Variants in RALGPS1 observed in about 807,000 individuals in gnomAD.
RALGPS1 encodes the protein Ral GEF with PH domain and SH3 binding motif 1.
RALGPS1 carries 19 observed loss-of-function variants against 78.8 expected under a neutral mutation model. The observed-to-expected ratio is 0.24, with a 90% CI of 0.17 to 0.35. RALGPS1 has a LOEUF of 0.35. Ranked by LOEUF, RALGPS1 falls within the 10% of genes least tolerant of loss-of-function variation. RALGPS1 has a pLI of 1.00. For missense variants in RALGPS1, 454 were observed against 688.3 expected, an observed-to-expected ratio of 0.66 and a Z score of 3.81; for synonymous variants, 228 against 256.3, an observed-to-expected ratio of 0.89 and a Z score of 1.06.
chr9:127,023,088 CT>C (rs780263135), intron 4 of RALGPS1, among the ~76,000 whole-genome samples: 1 of 152,028 alleles, frequency 6.6e-6, no homozygotes, highest in Non-Finnish European at 1.5e-5. Flanking sequence ...AACTCTTTCC[CT>C]TCTTCAAACA....
At chr9:127,132,187 T>C (rs757677373) in intron 8 of RALGPS1, among the ~76,000 whole-genome samples, 8 of 152,212 alleles carry the variant, frequency 5.3e-5, no homozygotes, top group Non-Finnish European at 7.3e-5. Context: ...CCTTTCACTC[T>C]TCTGAGTGTC....
intron 1 of RALGPS1, among the ~76,000 whole-genome samples, chr9:126,958,142 A>ATATATATAT (rs1554765217): frequency 1.3e-5 from 1 of 77,106 alleles, no homozygotes. Flanking sequence ...AAAAAAAAAA[A>ATATATATAT]ATATATATAT....
At chr9:126,951,707 T>A (rs1976330) in intron 1 of RALGPS1, among the ~76,000 whole-genome samples, 97,977 of 152,066 alleles carry the variant, frequency 0.64, 33,264 homozygotes, top group East Asian at 0.81. Flanking sequence ...CCCACAGCCA[T>A]TGTCATACTG....
intron 1 of RALGPS1, among the ~76,000 whole-genome samples, chr9:126,921,343 CA>C (rs2034731124): frequency 1.3e-5 from 2 of 152,216 alleles, no homozygotes; most frequent in Non-Finnish European, 2.9e-5. Context: ...GTTTCCTCCC[CA>C]CTTTCTGCGT....
At chr9:126,948,640 C>A (rs2037505143) in intron 1 of RALGPS1, among the ~76,000 whole-genome samples, 1 of 152,108 alleles carries the variant, frequency 6.6e-6, no homozygotes, top group Non-Finnish European at 1.5e-5. Flanking sequence ...CCCCTTCTGC[C>A]TCCTCAGCTT....
chr9:127,066,651 A>G (rs2049735735), intron 7 of RALGPS1, among the ~76,000 whole-genome samples: 1 of 152,186 alleles, frequency 6.6e-6, no homozygotes, highest in South Asian at 2.1e-4. Flanking sequence ...CACAAAGACA[A>G]AACAAAACAA....
chr9:127,006,706 T>C (rs1362913141), intron 4 of RALGPS1, among the ~76,000 whole-genome samples: 2 of 152,298 alleles, frequency 1.3e-5, no homozygotes, highest in East Asian at 3.9e-4. Context: ...CCAGAGAGGT[T>C]AATAAAACTG....
chr9:127,054,871 A>G (rs1470374169), intron 7 of RALGPS1, among the ~76,000 whole-genome samples: 1 of 152,138 alleles, frequency 6.6e-6, no homozygotes, highest in East Asian at 1.9e-4. Context: ...ACAGCTACGC[A>G]GGAGACTGAG....
intron 1 of RALGPS1, among the ~76,000 whole-genome samples, chr9:126,956,161 G>C (rs906264093): frequency 3.3e-5 from 5 of 152,084 alleles, no homozygotes; most frequent in Admixed American, 6.5e-5. Context: ...GGAGAACCAG[G>C]GGGCACCCTG....
chr9:127,182,579 G>A (rs989355578), intron 11 of RALGPS1, among the ~76,000 whole-genome samples: 24 of 151,712 alleles, frequency 1.6e-4, no homozygotes, highest in Admixed American at 2.0e-4. Flanking sequence ...ACAGTCGCCC[G>A]CCACCATGCC....
At chr9:126,993,569 G>A (rs963777939) in intron 4 of RALGPS1, among the ~76,000 whole-genome samples, 3 of 150,692 alleles carry the variant, frequency 2.0e-5, no homozygotes, top group African/African-American at 7.3e-5. Flanking sequence ...TTATTTTTAA[G>A]AACAGTTTTA....
intron 8 of RALGPS1, among the ~76,000 whole-genome samples, chr9:127,092,794 G>A (rs2052637546): frequency 6.6e-6 from 1 of 152,068 alleles, no homozygotes; most frequent in South Asian, 2.1e-4. Flanking sequence ...TAATGTAGGT[G>A]GAAGAGGAGA....
intron 8 of RALGPS1, among the ~76,000 whole-genome samples, chr9:127,120,784 T>C (rs2055982596): frequency 6.6e-6 from 1 of 150,516 alleles, no homozygotes; most frequent in Non-Finnish European, 1.5e-5. Context: ...GCCGAGATCA[T>C]GCCACTGCAC....
Position 127,196,464 on chromosome 9 carries a change from C to T in RALGPS1, c.1038-10C>T, listed in dbSNP as rs189375255. 6.1e-4 allele frequency: 976 copies of T among 1,606,730 alleles called. 2 individuals carry two copies. The highest frequency in any genetic ancestry group is 7.6e-4 in the Non-Finnish European group (899 of 1,175,766). Reference sequence around the variant, plus strand: ...GAGCTTTGCCTTCTTTCTTCCTTTCCATTTTCCAGTATGATGTGTCAGTTG... The same window carrying T: ...GAGCTTTGCCTTCTTTCTTCCTTTCTATTTTCCAGTATGATGTGTCAGTTG... On this transcript the variant is annotated splice_polypyrimidine_tract_variant and intron_variant, in intron 12 of 18. Transcript: ENST00000259351.
At chr9:127,141,313 T>C (rs1455326425) in intron 8 of RALGPS1, among the ~76,000 whole-genome samples, 7 of 152,118 alleles carry the variant, frequency 4.6e-5, no homozygotes, top group Non-Finnish European at 8.8e-5. Context: ...AAGTTTGAGA[T>C]TTTTGTGCCA....
chr9:127,165,347 C>T (rs953906033), intron 8 of RALGPS1, among the ~76,000 whole-genome samples: 2 of 152,238 alleles, frequency 1.3e-5, no homozygotes, highest in African/African-American at 2.4e-5. Context: ...GGCCCTTCCC[C>T]TTCCCCAGCC....
At chr9:126,995,304 C>G (rs559350837) in intron 4 of RALGPS1, among the ~76,000 whole-genome samples, 4 of 152,052 alleles carry the variant, frequency 2.6e-5, no homozygotes, top group Admixed American at 1.3e-4. Context: ...TGCAGAGACA[C>G]ACATAGGCTC....
chr9:127,066,791 C>T (rs1464407268), intron 7 of RALGPS1, among the ~76,000 whole-genome samples: 1 of 152,094 alleles, frequency 6.6e-6, no homozygotes, highest in Non-Finnish European at 1.5e-5. Flanking sequence ...TTGACACTTC[C>T]TTTTCCCATA....
At chr9:127,026,839 G>A (rs34589315) in intron 4 of RALGPS1, among the ~76,000 whole-genome samples, 5,411 of 126,098 alleles carry the variant, frequency 0.043, 133 homozygotes, top group Middle Eastern at 0.097. Flanking sequence ...GGCATGCAGG[G>A]TGCAGTTCTC....
Sources: gnomAD v4.1 joint callset for allele counts (sites outside exome capture counted in the v4.1 genomes callset) on GRCh38, gnomAD v4.1.1 for gene constraint, MANE v1.5 for transcripts, NCBI Gene and HGNC (gene_info 2026-07-23, HGNC 2026-07-21) for gene names.